Variants in GPATCH2 observed in about 807,000 individuals in gnomAD.
The protein encoded by GPATCH2 is G patch domain-containing protein 2.
A neutral mutation model predicts 58.0 loss-of-function variants in GPATCH2; 51 were observed. That is an observed-to-expected ratio of 0.88 (90% confidence interval 0.70 to 1.11). GPATCH2 has a LOEUF of 1.11. Among genes scored for constraint, GPATCH2 ranks in the 50% most tolerant of loss-of-function variants. GPATCH2 has a pLI of 0.00. For missense variants in GPATCH2, 625 were observed against 652.2 expected (o/e 0.96, Z 0.45); for synonymous variants, 222 against 218.5 (o/e 1.02, Z -0.14).
intron 8 of GPATCH2, among the ~76,000 whole-genome samples, chr1:217,466,539 A>G (rs1465841825): frequency 6.6e-6 from 1 of 152,054 alleles, no homozygotes; most frequent in Non-Finnish European, 1.5e-5. Context: ...ATGGATGACA[A>G]TAAAAAGTAT....
intron 5 of GPATCH2, among the ~76,000 whole-genome samples, chr1:217,567,765 G>A (rs889165894): frequency 3.9e-5 from 6 of 152,146 alleles, no homozygotes; most frequent in Non-Finnish European, 8.8e-5. Flanking sequence ...TTTTATACCT[G>A]TGCATGCCTT....
intron 8 of GPATCH2, among the ~76,000 whole-genome samples, chr1:217,466,462 C>T (rs892095727): frequency 6.6e-6 from 1 of 152,106 alleles, no homozygotes; most frequent in African/African-American, 2.4e-5. Context: ...TGGGCTCAAG[C>T]TATCCCTCTG....
At chr1:217,552,185 C>A (rs1665396625) in intron 5 of GPATCH2, among the ~76,000 whole-genome samples, 1 of 151,984 alleles carries the variant, frequency 6.6e-6, no homozygotes, top group Non-Finnish European at 1.5e-5. Context: ...ATGAATAAAA[C>A]CTCTCTGATG....
At chr1:217,535,801 T>C (rs1302693244) in intron 5 of GPATCH2, among the ~76,000 whole-genome samples, 1 of 146,182 alleles carries the variant, frequency 6.8e-6, no homozygotes, top group Admixed American at 6.7e-5. Flanking sequence ...GTACTTGGAA[T>C]TGGAACTAAA....
At position 217,477,002 on chromosome 1, in the gene GPATCH2, G is replaced by C. The variant is rs542866788; in HGVS notation, c.1277+14678C>G. 9.9e-5 allele frequency among the ~76,000 whole-genome samples: 15 copies of C among 152,284 alleles called. No individual in the cohort carries two copies. The South Asian group carries it at 3.1e-3, about 32-fold the overall frequency. On this transcript the variant is annotated intron_variant, in intron 8 of 9. Coordinates refer to ENST00000366935, the MANE Select transcript of GPATCH2 (RefSeq NM_018040.5). ...ATCTTCTGGAGGAGATGAGAGGGAA[G>C]AGTGGGGAGGACTTTGTCTTGCATC...
At chr1:217,436,471 C>G (rs1318820176) in intron 9 of GPATCH2, among the ~76,000 whole-genome samples, 1 of 152,192 alleles carries the variant, frequency 6.6e-6, no homozygotes, top group African/African-American at 2.4e-5. Context: ...AAAGCCTACA[C>G]ACATTTCTTT....
At chr1:217,619,404 T>C (rs1419360173) in intron 2 of GPATCH2, among the ~76,000 whole-genome samples, 1 of 152,218 alleles carries the variant, frequency 6.6e-6, no homozygotes, top group African/African-American at 2.4e-5. Flanking sequence ...GATAGATTAA[T>C]GAATTGTGAC....
In GPATCH2 at chr1:217,454,516, A is replaced by C. The variant is rs1342271491; in HGVS notation, c.1278-5179T>G. ...AGGCAGGAGAATGGCGTGAACCCGGAAGGCAGAGCTTGCAGTGAGTCGAGA... is the reference window on the plus strand; with the variant it reads ...AGGCAGGAGAATGGCGTGAACCCGGCAGGCAGAGCTTGCAGTGAGTCGAGA... On this transcript the variant is annotated intron_variant, in intron 8 of 9. Coordinates refer to ENST00000366935, the MANE Select transcript of GPATCH2 (RefSeq NM_018040.5). Among the ~76,000 whole-genome samples the C allele has an allele frequency of 2.0e-5, 3 of 147,774 alleles. No individual in the cohort carries two copies. The Admixed American group carries it at 2.1e-4, about 10-fold the overall frequency.
At chr1:217,608,789 A>G (rs889193350) in intron 5 of GPATCH2, 17 of 984,130 alleles carry the variant, frequency 1.7e-5, no homozygotes, top group Non-Finnish European at 1.9e-5. Context: ...GACATAGCAC[A>G]GAAAAGCTTA....
chr1:217,456,616 T>A (rs894091197), intron 8 of GPATCH2, among the ~76,000 whole-genome samples: 2 of 152,134 alleles, frequency 1.3e-5, no homozygotes, highest in African/African-American at 4.8e-5. Flanking sequence ...AGAAACTTAC[T>A]GAAATTATGT....
chr1:217,521,065 T>G (rs1196384385), intron 5 of GPATCH2, among the ~76,000 whole-genome samples: 2 of 152,186 alleles, frequency 1.3e-5, no homozygotes, highest in East Asian at 3.8e-4. Flanking sequence ...GCACTGGTCT[T>G]GAGCTTCCAG....
Position 217,565,063 on chromosome 1 carries a change from G to A in GPATCH2, c.1098+45258C>T, listed in dbSNP as rs145633435. On this transcript the variant is annotated intron_variant, in intron 5 of 9. Coordinates refer to ENST00000366935, the MANE Select transcript of GPATCH2 (RefSeq NM_018040.5). Reference sequence around the variant, plus strand: ...GCTCCTGTGTTGTCATGAATAGGCTGATCAACAAATTTTACATTCAACTCT... The same window carrying A: ...GCTCCTGTGTTGTCATGAATAGGCTAATCAACAAATTTTACATTCAACTCT... 2.7e-3 allele frequency among the ~76,000 whole-genome samples: 412 copies of A among 152,222 alleles called. 1 individual carries two copies. The highest frequency in any genetic ancestry group is 9.2e-3 in the African/African-American group (382 of 41,538).
At chr1:217,465,127 A>G (rs1660385167) in intron 8 of GPATCH2, among the ~76,000 whole-genome samples, 1 of 152,044 alleles carries the variant, frequency 6.6e-6, no homozygotes, top group South Asian at 2.1e-4. Flanking sequence ...AAATTAAACT[A>G]AAAGGAACAG....
intron 5 of GPATCH2, among the ~76,000 whole-genome samples, chr1:217,515,671 G>T (rs1178273990): frequency 1.3e-5 from 2 of 151,624 alleles, no homozygotes; most frequent in African/African-American, 4.9e-5. Flanking sequence ...GGTTGTCACT[G>T]CACTCCAGCC....
At chr1:217,521,513 G>T (rs2102597196) in intron 5 of GPATCH2, among the ~76,000 whole-genome samples, 1 of 152,198 alleles carries the variant, frequency 6.6e-6, no homozygotes, top group African/African-American at 2.4e-5. Flanking sequence ...GTAGCATGCG[G>T]GCTATTTTAA....
intron 5 of GPATCH2, among the ~76,000 whole-genome samples, chr1:217,584,364 T>TATATATATATATATATATATATATAC (rs1226981154): frequency 1.6e-5 from 2 of 121,550 alleles, no homozygotes; most frequent in African/African-American, 6.1e-5. Context: ...TATATATATA[T>TATATATATATATATATATATATATAC]ACACACACAC....
At chr1:217,521,675 C>T (rs1011723662) in intron 5 of GPATCH2, among the ~76,000 whole-genome samples, 2 of 152,190 alleles carry the variant, frequency 1.3e-5, no homozygotes, top group South Asian at 2.1e-4. Flanking sequence ...GTAAACACTC[C>T]GCGATGAGAA....
intron 1 of GPATCH2, among the ~76,000 whole-genome samples, chr1:217,628,241 T>G (rs901066895): frequency 3.3e-5 from 5 of 152,000 alleles, no homozygotes; most frequent in African/African-American, 1.2e-4. Flanking sequence ...ACATAATGAC[T>G]AAAACTTTTA....
chr1:217,447,010 G>T (rs1040626707), intron 9 of GPATCH2, among the ~76,000 whole-genome samples: 5 of 152,196 alleles, frequency 3.3e-5, no homozygotes, highest in South Asian at 2.1e-4. Context: ...TCCTAAGATT[G>T]TTCTTGTACT....
Sources: gnomAD v4.1 joint callset for allele counts (sites outside exome capture counted in the v4.1 genomes callset) on GRCh38, gnomAD v4.1.1 for gene constraint, MANE v1.5 for transcripts, NCBI Gene and HGNC (gene_info 2026-07-23, HGNC 2026-07-21) for gene names.